KRT76: variants seen among roughly 807,000 people sequenced by gnomAD.
KRT76 encodes keratin, type II cytoskeletal 2 oral.
KRT76 carries 47 observed loss-of-function variants against 44.9 expected under a neutral mutation model. The ratio of observed to expected loss-of-function variants is 1.05; its 90% confidence interval spans 0.83 to 1.33. KRT76 has a LOEUF of 1.33. KRT76 is among the 40% of genes most tolerant of loss of function. KRT76 has a pLI of 0.00. For synonymous variants in KRT76, 331 were observed against 294.1 expected (o/e 1.13, Z -1.28); for missense variants, 860 against 775.8 (o/e 1.11, Z -1.29).
intron 8 of KRT76, 45 bp downstream of exon 8, chr12:52,769,504 C>T (rs150335007): frequency 6.4e-7 from 1 of 1,559,380 alleles, no homozygotes. Context: ...TTTCTAGCTG[C>T]CCTTTTACAA....
intron 6 of KRT76, 101 bp downstream of exon 6, chr12:52,771,770 T>C (rs1291860280): frequency 2.1e-6 from 3 of 1,404,706 alleles, no homozygotes; most frequent in Non-Finnish European, 2.9e-6. Context: ...TGTGACACCA[T>C]GAAAGGATGG....
intron 7 of KRT76, among the ~76,000 whole-genome samples, chr12:52,770,119 A>T (rs1418620918): frequency 5.3e-5 from 8 of 152,152 alleles, no homozygotes; most frequent in Admixed American, 1.3e-4. Context: ...ATTCTTGTTA[A>T]TGGAGCAGGC....
chr12:52,768,960 C>T lies in KRT76; in HGVS notation c.1670G>A (p.Ser557Asn), dbSNP rs528396160. The T allele has an allele frequency of 3.1e-6, 4 of 1,293,286 alleles. No homozygotes were observed. Among genetic ancestry groups the T allele is most frequent in the South Asian group, 1.2e-5 (1 of 81,278 alleles). 80.1% of individuals were successfully genotyped at this position (1,293,286 alleles called of 1,614,324 possible). A position where few individuals can be genotyped will look rare whatever the true frequency, so the allele number is the denominator to read the frequency against. Residue 557 changes from serine (S) to asparagine (N), a missense_variant, in exon 9 of 9, where the codon AGT becomes AAT. Ser to Asn is a conservative substitution (Grantham distance 46). Coordinates refer to ENST00000332411, the MANE Select transcript of KRT76 (RefSeq NM_015848.4). Reference protein sequence around the residue: ...SGYGVSGGSGSGYGGVSSGST... With the variant: ...SGYGVSGGSGNGYGGVSSGST... ...GCCACTGCTGACCCCTCCATAGCCACTGCCGCTGCCGCCACTGACTCCATA... is the reference window on the plus strand; with the variant it reads ...GCCACTGCTGACCCCTCCATAGCCATTGCCGCTGCCGCCACTGACTCCATA...
rs558410774 is a variant in KRT76 at position 52,770,992 on chromosome 12, C to T, written c.1484+7G>A. ...ATCTGGAGAATGGTGATCCCATGGC[C>T]CCTCACCTGCACTCCTCTCCCTCCA... On this transcript the variant is annotated splice_region_variant and intron_variant, in intron 7 of 8. Coordinates refer to ENST00000332411, the MANE Select transcript of KRT76 (RefSeq NM_015848.4). 1.9e-6 allele frequency: 3 copies of T among 1,614,048 alleles called. No homozygotes were observed. Among genetic ancestry groups the T allele is most frequent in the Admixed American group, 3.3e-5 (2 of 60,018 alleles).
At chr12:52,775,793 T>C (rs74096311) in intron 1 of KRT76, among the ~76,000 whole-genome samples, 191 bp from the exon 2 acceptor site, 6,486 of 152,272 alleles carry the variant, frequency 0.043, 480 homozygotes, top group African/African-American at 0.15. Context: ...GCCTTACCTG[T>C]TATTTTCATG....
At chr12:52,776,187 A>G (rs983128842) in intron 1 of KRT76, among the ~76,000 whole-genome samples, 3 of 152,226 alleles carry the variant, frequency 2.0e-5, no homozygotes, top group Non-Finnish European at 2.9e-5. Context: ...ACACAGACCC[A>G]GAACACCCTC....
At position 52,777,148 on chromosome 12, in the gene KRT76, G is replaced by T. The variant is rs748744092; in HGVS notation, c.144C>A (p.Ser48Arg). The T allele has an allele frequency of 6.2e-7, 1 of 1,614,148 alleles. No homozygotes were observed. The highest frequency in any genetic ancestry group is 1.1e-5 in the South Asian group (1 of 91,072). The change falls in exon 1 of 9, where the codon AGC becomes AGA. Residue 48 changes from serine to arginine, a missense_variant. Transcript: ENST00000332411. Reference protein sequence around the residue: ...GAGGGACGFRSGAGSFGSRSL... With the variant: ...GAGGGACGFRRGAGSFGSRSL... The stretch of plus-strand genomic sequence containing the variant: ...TGCGACTGCCAAAGCTGCCTGCTCC[G>T]CTCCTGAAGCCACAGGCCCCTCCAC...
Position 52,772,781 on chromosome 12 carries a change from A to G in KRT76, c.972+2T>C. On this transcript the variant is annotated splice_donor_variant, in intron 4 of 8. Coordinates refer to ENST00000332411, the MANE Select transcript of KRT76 (RefSeq NM_015848.4). LOFTEE classifies it high-confidence loss of function. ...TCTGCAGCTTGCAAACCAAGGAATC[A>G]CCATCTCATAGAGGGTCCTCAGGAA... 8 of 1,604,058 alleles carry G rather than the reference A, an allele frequency of 5.0e-6. No homozygotes were observed. Among genetic ancestry groups the G allele is most frequent in the Non-Finnish European group, 6.8e-6 (8 of 1,170,840 alleles).
Position 52,768,959 on chromosome 12 carries a change from A to G in KRT76, c.1671T>C (p.Ser557=), listed in dbSNP as rs1245060004. The G allele has an allele frequency of 7.5e-7, 1 of 1,332,080 alleles. No homozygotes were observed. The highest frequency in any genetic ancestry group is 1.9e-5 in the Admixed American group (1 of 52,836). 82.5% of individuals were successfully genotyped at this position (1,332,080 alleles called of 1,614,324 possible). The change falls in exon 9 of 9, where the codon AGT becomes AGC. Residue 557 remains serine, a synonymous_variant. Transcript: ENST00000332411. ...TGCCACTGCTGACCCCTCCATAGCC[A>G]CTGCCGCTGCCGCCACTGACTCCAT... ...SGYGVSGGSG[S]GYGGVSSGST... is the part of the protein sequence containing the mutation.
rs544454457 is a variant in KRT76, at chr12:52,773,491, C to G, written c.876+91G>C. On this transcript the variant is annotated intron_variant, in intron 3 of 8. Coordinates refer to ENST00000332411, the MANE Select transcript of KRT76 (RefSeq NM_015848.4). ...GTCAATCCCACACACAATATAAGGT[C>G]CCTGTGCCCCAGAACAGCTGGCTGT... 9.9e-5 allele frequency: 83 copies of G among 837,342 alleles called. No individual in the cohort carries two copies. The South Asian group carries it at 1.3e-3, about 13-fold the overall frequency. 51.9% of individuals were successfully genotyped at this position (837,342 alleles called of 1,614,324 possible). A position where few individuals can be genotyped will look rare whatever the true frequency, so the allele number is the denominator to read the frequency against.
intron 1 of KRT76, 78 bp downstream of exon 1, chr12:52,776,614 C>A: frequency 6.2e-7 from 1 of 1,608,708 alleles, no homozygotes; most frequent in Non-Finnish European, 8.5e-7. Context: ...CTGTGTCTCA[C>A]AAGTCCCCAT....
In KRT76 at chr12:52,777,280, T is replaced by G; in HGVS notation, c.12A>C (p.Gln4His). The G allele has an allele frequency of 6.2e-7, 1 of 1,614,140 alleles. No homozygotes were observed. Among genetic ancestry groups the G allele is most frequent in the Non-Finnish European group, 8.5e-7 (1 of 1,180,036 alleles). Residue 4 changes from glutamine to histidine, a missense_variant, in exon 1 of 9, where the codon CAA becomes CAC. Physicochemically the swap from Gln to His is conservative, Grantham distance 24. Coordinates refer to ENST00000332411, the MANE Select transcript of KRT76 (RefSeq NM_015848.4). ...TGCCACTGAAGGATTTCTTGCAAACTTGTCTGTTCATAGTGAGAGAGCTTG... is the reference window on the plus strand; with the variant it reads ...TGCCACTGAAGGATTTCTTGCAAACGTGTCTGTTCATAGTGAGAGAGCTTG... MNRQVCKKSFSGRS... is the reference protein window; with the variant it reads MNRHVCKKSFSGRS...
chr12:52,771,766 A>G (rs1361361884), intron 6 of KRT76, 105 bp downstream of exon 6: 34 of 1,380,238 alleles, frequency 2.5e-5, no homozygotes, highest in Non-Finnish European at 3.2e-5. Context: ...CACATGTGAC[A>G]CCATGAAAGG....
Position 52,776,851 on chromosome 12 carries a change from G to A in KRT76, c.441C>T (p.Gly147=). Residue 147 remains glycine (G), a synonymous_variant, in exon 1 of 9, where the codon GGC becomes GGT. Transcript: ENST00000332411. Reference sequence around the variant, plus strand: ...GAATTCCCCCAGGAAAGCCCCCAGGGCCAAAGCCACCAGGACCACCAAAGC... The same window carrying A: ...GAATTCCCCCAGGAAAGCCCCCAGGACCAAAGCCACCAGGACCACCAAAGC... ...PGSFGGPGGF[G]PGGFPGGIQE... is the part of the protein sequence containing the mutation. 1 of 1,613,184 alleles carries A rather than the reference G, an allele frequency of 6.2e-7. No homozygotes were observed. Among genetic ancestry groups the A allele is most frequent in the Non-Finnish European group, 8.5e-7 (1 of 1,179,582 alleles).
chr12:52,774,877 A>T (rs930210192), intron 2 of KRT76, among the ~76,000 whole-genome samples: 1 of 152,158 alleles, frequency 6.6e-6, no homozygotes, highest in East Asian at 1.9e-4. Flanking sequence ...TGGAACGTGG[A>T]GGAGGAGGCA....
rs762761589 is a variant in KRT76, at chr12:52,777,286, G to A, written c.6C>T (p.Asn2=). The A allele has an allele frequency of 2.5e-6, 4 of 1,614,130 alleles. No individual in the cohort carries two copies. The Middle Eastern group carries it at 6.6e-4, about 266-fold the overall frequency. Residue 2 remains asparagine, a synonymous_variant, in exon 1 of 9, where the codon AAC becomes AAT. Coordinates refer to ENST00000332411, the MANE Select transcript of KRT76 (RefSeq NM_015848.4). ...TGAAGGATTTCTTGCAAACTTGTCT[G>A]TTCATAGTGAGAGAGCTTGGAGGCA... M[N]RQVCKKSFSG...
At position 52,776,641 on chromosome 12, in the gene KRT76, G is replaced by A. The variant is rs190455874; in HGVS notation, c.600+51C>T. 2.4e-4 allele frequency: 386 copies of A among 1,612,468 alleles called. 1 individual carries two copies. The highest frequency in any genetic ancestry group is 1.8e-3 in the South Asian group (167 of 90,960). ...AGTCCCCATGGCATCTTTCTACACC[G>A]ACCCCTGGGCACCCCAAACCCTCCA... On this transcript the variant is annotated intron_variant, in intron 1 of 8. Coordinates refer to ENST00000332411, the MANE Select transcript of KRT76 (RefSeq NM_015848.4).
At chr12:52,773,739 G>A (rs1939220874) in intron 2 of KRT76, 97 bp from the exon 3 acceptor site, 1 of 984,218 alleles carries the variant, frequency 1.0e-6, no homozygotes, top group Non-Finnish European at 1.6e-6. Flanking sequence ...CGCAGAGACA[G>A]GACGAGCTTC....
At position 52,769,027 on chromosome 12, in the gene KRT76, C is replaced by G. The variant is rs752711375; in HGVS notation, c.1603G>C (p.Gly535Arg). 3.9e-6 allele frequency: 3 copies of G among 770,654 alleles called. No individual in the cohort carries two copies. The highest frequency in any genetic ancestry group is 6.9e-6 in the Non-Finnish European group (3 of 432,932). The allele number at this position is 770,654 out of a possible 1,614,324, so 47.7% of individuals were successfully genotyped here. The change falls in exon 9 of 9, where the codon GGT (glycine) becomes CGT (arginine). Residue 535 changes from glycine (G) to arginine (R), a missense_variant. By Grantham distance (125) the Gly-to-Arg change is moderately radical. Transcript: ENST00000332411. ...VFGGVSGSGS[G>R]GYKGGSSSSS... ...CTGCTGCTGCCGCCTTTGTAGCCAC[C>G]ACTGCCACTGCCACTGACCCCTCCA...
Sources: allele counts gnomAD v4.1 joint callset (sites outside exome capture counted in the v4.1 genomes callset), GRCh38; gene constraint gnomAD v4.1.1; transcripts MANE v1.5; gene names NCBI Gene and HGNC (gene_info 2026-07-23, HGNC 2026-07-21).